CYFIP1: variants seen among roughly 807,000 people sequenced by gnomAD.
CYFIP1 encodes the protein cytoplasmic FMR1-interacting protein 1.
Under a neutral mutation model 163.5 loss-of-function variants are expected in CYFIP1, and 58 were observed. That is an observed-to-expected ratio of 0.35 (90% CI 0.29 to 0.44). The LOEUF (loss-of-function observed/expected upper bound fraction) is 0.44. Ranked by LOEUF, CYFIP1 falls within the 20% of genes least tolerant of loss-of-function variation. The probability of loss-of-function intolerance (pLI) is 1.00; values close to 1 mark genes in which losing one functional copy is unlikely to be tolerated. For missense variants in CYFIP1, 1,338 were observed against 1,653.8 expected, an observed-to-expected ratio of 0.81 and a Z score of 3.31; for synonymous variants, 663 against 660.7, an observed-to-expected ratio of 1.00 and a Z score of -0.05.
chr15:22,945,986 T>C (rs1443547510), intron 3 of CYFIP1, among the ~76,000 whole-genome samples: 1 of 152,170 alleles, frequency 6.6e-6, no homozygotes, highest in Non-Finnish European at 1.5e-5. Context: ...TAAGGATTGC[T>C]TTCTCTAGCA....
At chr15:22,931,000 G>A (rs1003523551) in intron 11 of CYFIP1, among the ~76,000 whole-genome samples, 5 of 152,116 alleles carry the variant, frequency 3.3e-5, no homozygotes, top group Admixed American at 6.5e-5. Context: ...ATGCCCAAAC[G>A]CTTGCCAGGG....
At chr15:22,980,147 G>A (rs1406034549) in intron 1 of CYFIP1, 140 bp downstream of exon 1, 1 of 139,082 alleles carries the variant, frequency 7.2e-6, no homozygotes, top group Non-Finnish European at 1.6e-5. Flanking sequence ...CCGCGCCGCC[G>A]GGGAGGCCGC....
At chr15:22,929,751 C>T (rs1230703701) in intron 11 of CYFIP1, among the ~76,000 whole-genome samples, 34 of 148,646 alleles carry the variant, frequency 2.3e-4, no homozygotes, top group Non-Finnish European at 4.2e-4. Flanking sequence ...CTGGCTAACA[C>T]AGTGAAACCC....
intron 1 of CYFIP1, among the ~76,000 whole-genome samples, chr15:22,959,944 C>T (rs1441608536): frequency 2.6e-5 from 4 of 152,214 alleles, no homozygotes; most frequent in Admixed American, 2.6e-4. Flanking sequence ...CTGTAAGGAC[C>T]TGAATCCCCG....
intron 13 of CYFIP1, among the ~76,000 whole-genome samples, chr15:22,919,261 C>G (rs2061099802): frequency 6.6e-6 from 1 of 152,172 alleles, no homozygotes; most frequent in African/African-American, 2.4e-5. Context: ...AGTGAACTAC[C>G]ATTCACAGAA....
rs2063328268 is a variant in CYFIP1, at chr15:22,977,823, C to G, written c.-7+2464G>C. Among the ~76,000 whole-genome samples the G allele has an allele frequency of 2.0e-5, 3 of 151,890 alleles. No individual in the cohort carries two copies. The South Asian group carries it at 6.2e-4, about 32-fold the overall frequency. ...TCCAGCCTGGGCAACAAGAGCAAAA[C>G]CCTGTCTCACAAAAAATAAAATAAA... On this transcript the variant is annotated intron_variant, in intron 1 of 30. Coordinates refer to ENST00000617928, the MANE Select transcript of CYFIP1 (RefSeq NM_014608.6).
intron 22 of CYFIP1, among the ~76,000 whole-genome samples, chr15:22,895,164 G>A (rs550744872): frequency 4.1e-4 from 62 of 152,058 alleles, no homozygotes; most frequent in African/African-American, 1.1e-3. Context: ...ACAGGCGCCC[G>A]CCACCAAGCC....
intron 1 of CYFIP1, among the ~76,000 whole-genome samples, chr15:22,951,979 G>A (rs1307527105): frequency 6.6e-6 from 1 of 152,234 alleles, no homozygotes; most frequent in African/African-American, 2.4e-5. Context: ...TGCGCAGCTT[G>A]TTCCAAGCCA....
chr15:22,947,349 G>A lies in CYFIP1; in HGVS notation c.-6-58C>T, dbSNP rs528739526. On this transcript the variant is annotated intron_variant, in intron 1 of 30. Transcript: ENST00000617928. ...AGGAGAAGGAGGGGACACCCAACAA[G>A]CTTCGAGGTTGGGTACCCAGGCCTC... is the stretch of plus-strand genomic sequence containing the variant. 1.0e-5 allele frequency: 16 copies of A among 1,585,130 alleles called. 1 individual carries two copies. In the African/African-American group the frequency reaches 2.0e-4, roughly 20 times the overall value.
Position 22,931,686 on chromosome 15 carries a change from GAAAAAAAAAA to G in CYFIP1, c.1110+527_1110+536del, listed in dbSNP as rs766177290. ...CTTGGGATCCCTATAATGTTTTTCTGAAAAAAAAAAAAAAAAAAAAAAAAGCTTTTTGTAC... is the reference window on the plus strand; with the variant it reads ...CTTGGGATCCCTATAATGTTTTTCTGAAAAAAAAAAAAAAGCTTTTTGTAC... On this transcript the variant is annotated intron_variant, in intron 11 of 30. Coordinates refer to ENST00000617928, the MANE Select transcript of CYFIP1 (RefSeq NM_014608.6). Among the ~76,000 whole-genome samples the G allele has an allele frequency of 3.4e-3, 134 of 39,722 alleles. 2 individuals carry two copies. In the East Asian group the frequency reaches 0.073, roughly 22 times the overall value. 26.1% of individuals were successfully genotyped at this position (39,722 alleles called of 152,430 possible).
intron 13 of CYFIP1, 64 bp from the exon 14 acceptor site, chr15:22,918,922 G>A (rs1322814863): frequency 7.5e-7 from 1 of 1,329,578 alleles, no homozygotes; most frequent in Non-Finnish European, 1.0e-6. Flanking sequence ...CCTCTGCCTG[G>A]CACATGCCGG....
At chr15:22,887,851 C>CA (rs2059969080) in intron 23 of CYFIP1, among the ~76,000 whole-genome samples, 1 of 152,166 alleles carries the variant, frequency 6.6e-6, no homozygotes, top group East Asian at 1.9e-4. Context: ...CAGTTCAAGA[C>CA]AGACTCTGCT....
intron 1 of CYFIP1, among the ~76,000 whole-genome samples, chr15:22,963,709 C>T (rs77816821): frequency 0.015 from 2,277 of 152,236 alleles, 58 homozygotes; most frequent in African/African-American, 0.052. Context: ...GACGCTGGCA[C>T]GTATCGCAGG....
intron 21 of CYFIP1, among the ~76,000 whole-genome samples, chr15:22,906,566 C>T (rs376984609): frequency 7.3e-5 from 11 of 150,456 alleles, no homozygotes; most frequent in South Asian, 2.1e-4. Flanking sequence ...CCCGGGTTCA[C>T]GCCATTCTCC....
intron 1 of CYFIP1, among the ~76,000 whole-genome samples, chr15:22,962,914 C>A (rs1244178496): frequency 6.6e-6 from 1 of 152,158 alleles, no homozygotes; most frequent in Admixed American, 6.6e-5. Flanking sequence ...CTGTCTCCTG[C>A]TGCTCAGAAC....
In CYFIP1 at chr15:22,975,384, C is replaced by T. The variant is rs537532193; in HGVS notation, c.-7+4903G>A. 5.1e-5 allele frequency among the ~76,000 whole-genome samples: 7 copies of T among 137,608 alleles called. No individual in the cohort carries two copies. The East Asian group carries it at 1.3e-3, about 26-fold the overall frequency. The allele number at this position is 137,608 out of a possible 152,430, so 90.3% of individuals were successfully genotyped here. A position where few individuals can be genotyped will look rare whatever the true frequency, so the allele number is the denominator to read the frequency against. ...ACTCAGGAGGCCGAGGCAGGAGAAT[C>T]GCTTGAACCCGGGAGGCAGAGCTTG... On this transcript the variant is annotated intron_variant, in intron 1 of 30. Transcript: ENST00000617928.
intron 22 of CYFIP1, among the ~76,000 whole-genome samples, chr15:22,901,504 C>T (rs4778470): frequency 0.16 from 24,837 of 152,212 alleles, 2,632 homozygotes; most frequent in Admixed American, 0.32. Context: ...GCTGAGGACA[C>T]GCCCTCCATC....
chr15:22,916,981 G>A (rs1469957473), intron 15 of CYFIP1: 2 of 1,551,474 alleles, frequency 1.3e-6, no homozygotes, highest in Admixed American at 2.0e-5. Context: ...AGCTGCCTGA[G>A]CAGCTCGGCA....
At chr15:22,874,026 C>G (rs2059509890) in intron 28 of CYFIP1, among the ~76,000 whole-genome samples, 1 of 152,200 alleles carries the variant, frequency 6.6e-6, no homozygotes, top group Non-Finnish European at 1.5e-5. Context: ...GGAATGAACC[C>G]CGGTGCCCGG....
Sources: gnomAD v4.1 joint callset for allele counts (sites outside exome capture counted in the v4.1 genomes callset) on GRCh38, gnomAD v4.1.1 for gene constraint, MANE v1.5 for transcripts, NCBI Gene and HGNC (gene_info 2026-07-23, HGNC 2026-07-21) for gene names.